The following KIAA2012 variants were observed in gnomAD, a reference collection of about 807,000 sequenced individuals.
The protein encoded by KIAA2012 is uncharacterized protein KIAA2012.
Under a neutral mutation model 150.6 loss-of-function variants are expected in KIAA2012, and 125 were observed. The ratio of observed to expected loss-of-function variants is 0.83; its 90% confidence interval spans 0.72 to 0.96. The LOEUF is 0.96. Ranked by LOEUF, KIAA2012 falls within the 40% of genes least tolerant of loss-of-function variation. The probability of loss-of-function intolerance (pLI) is 0.00; values close to 1 mark genes in which losing one functional copy is unlikely to be tolerated. For missense variants in KIAA2012, 1,219 were observed against 1,354.9 expected, an observed-to-expected ratio of 0.90 and a Z score of 1.57; for synonymous variants, 462 against 504.7, an observed-to-expected ratio of 0.92 and a Z score of 1.13.
intron 14 of KIAA2012, among the ~76,000 whole-genome samples, chr2:202,161,945 T>G (rs1171306528): frequency 2.0e-5 from 3 of 152,162 alleles, no homozygotes; most frequent in Non-Finnish European, 4.4e-5. Flanking sequence ...CAAGTATTAT[T>G]ACCTGTTTCC....
intron 13 of KIAA2012, among the ~76,000 whole-genome samples, chr2:202,140,414 G>A (rs1210111524): frequency 6.6e-6 from 1 of 152,142 alleles, no homozygotes; most frequent in Non-Finnish European, 1.5e-5. Flanking sequence ...AAATGATGGG[G>A]TGGCTCCCAC....
intron 11 of KIAA2012, chr2:202,114,280 G>A: frequency 6.2e-6 from 1 of 161,668 alleles, no homozygotes. Flanking sequence ...GACCATTGCT[G>A]CATTTTACAT....
intron 15 of KIAA2012, among the ~76,000 whole-genome samples, chr2:202,175,839 C>T (rs1344078263): frequency 6.6e-6 from 1 of 152,060 alleles, no homozygotes; most frequent in East Asian, 1.9e-4. Context: ...AATATAAAAA[C>T]TTATTTTAAA....
At chr2:202,168,303 C>T (rs1691813000) in intron 15 of KIAA2012, among the ~76,000 whole-genome samples, 1 of 151,086 alleles carries the variant, frequency 6.6e-6, no homozygotes, top group South Asian at 2.1e-4. Context: ...CCTGTAGTCC[C>T]AGCTACTCGG....
intron 22 of KIAA2012, chr2:202,201,754 G>A (rs956295222): frequency 2.9e-6 from 4 of 1,369,674 alleles, no homozygotes; most frequent in Non-Finnish European, 3.1e-6. Context: ...GGATGATAGA[G>A]CTCTGAGTAG....
At chr2:202,133,982 AT>A (rs535289269) in intron 12 of KIAA2012, among the ~76,000 whole-genome samples, 7,916 of 148,100 alleles carry the variant, frequency 0.053, 626 homozygotes, top group African/African-American at 0.18. Flanking sequence ...ACTGGGGAGA[AT>A]TTTTTTTTTT....
At chr2:202,175,484 C>T (rs955874708) in intron 15 of KIAA2012, among the ~76,000 whole-genome samples, 1 of 152,170 alleles carries the variant, frequency 6.6e-6, no homozygotes, top group Non-Finnish European at 1.5e-5. Flanking sequence ...GGTTGGGCCT[C>T]TGGGAGGTGA....
At chr2:202,172,973 A>G (rs1000082989) in intron 15 of KIAA2012, among the ~76,000 whole-genome samples, 12 of 152,360 alleles carry the variant, frequency 7.9e-5, no homozygotes, top group East Asian at 3.9e-4. Flanking sequence ...CTTAGCACCT[A>G]CATGACCTAA....
chr2:202,161,202 C>T (rs1223517749), intron 14 of KIAA2012, among the ~76,000 whole-genome samples: 2 of 152,100 alleles, frequency 1.3e-5, no homozygotes, highest in African/African-American at 4.8e-5. Context: ...ACTGCAGGAC[C>T]TGTACTTCAG....
rs200316023 is a variant in KIAA2012, at chr2:202,107,391, T to TAAA, written c.1474+1483_1474+1484insAAA. On this transcript the variant is annotated intron_variant, in intron 9 of 23. Transcript: ENST00000498697. ...TGGGAGTTAATTATCCTAAAGACTT[T>TAAA]AATGTTTCCTTTTTCAAAAAATCCA... 3.9e-5 allele frequency among the ~76,000 whole-genome samples: 6 copies of TAAA among 152,302 alleles called. No individual in the cohort carries two copies. In the East Asian group the frequency reaches 1.2e-3, roughly 29 times the overall value.
At chr2:202,082,653 C>A (rs1204064658) in intron 2 of KIAA2012, among the ~76,000 whole-genome samples, 1 of 150,066 alleles carries the variant, frequency 6.7e-6, no homozygotes, top group Non-Finnish European at 1.5e-5. Context: ...CTATTTTTTT[C>A]TTTTTTGCCT....
At chr2:202,074,570 A>G (rs992399589) in intron 1 of KIAA2012, among the ~76,000 whole-genome samples, 1 of 152,180 alleles carries the variant, frequency 6.6e-6, no homozygotes, top group African/African-American at 2.4e-5. Flanking sequence ...GCTGCCCTTA[A>G]TAATTCTGAC....
intron 15 of KIAA2012, among the ~76,000 whole-genome samples, chr2:202,173,966 CT>C (rs1004282007): frequency 6.6e-6 from 1 of 151,476 alleles, no homozygotes; most frequent in African/African-American, 2.4e-5. Context: ...GAGAAGCATT[CT>C]TTTTTTTTCT....
At chr2:202,180,164 G>A (rs1025123557) in intron 15 of KIAA2012, among the ~76,000 whole-genome samples, 1 of 151,726 alleles carries the variant, frequency 6.6e-6, no homozygotes, top group Non-Finnish European at 1.5e-5. Context: ...CCAGCTATTC[G>A]GGAGGCTGAG....
At chr2:202,162,123 C>G (rs532375231) in intron 14 of KIAA2012, among the ~76,000 whole-genome samples, 3 of 151,858 alleles carry the variant, frequency 2.0e-5, no homozygotes, top group Non-Finnish European at 4.4e-5. Flanking sequence ...CAGCTCCCTT[C>G]CCTTGAACAA....
intron 22 of KIAA2012, 58 bp downstream of exon 22, chr2:202,197,077 C>T: frequency 6.5e-7 from 1 of 1,548,848 alleles, no homozygotes; most frequent in Non-Finnish European, 8.7e-7. Flanking sequence ...CTTCACTGTC[C>T]AGTGCTAGTG....
At chr2:202,110,710 C>CAA (rs1690324451) in intron 10 of KIAA2012, among the ~76,000 whole-genome samples, 1 of 152,172 alleles carries the variant, frequency 6.6e-6, no homozygotes, top group South Asian at 2.1e-4. Context: ...ACAGATTTCA[C>CAA]ATCTTTCATT....
At position 202,171,963 on chromosome 2, in the gene KIAA2012, C is replaced by G. The variant is rs10205461; in HGVS notation, c.2119+6607C>G. On this transcript the variant is annotated intron_variant, in intron 15 of 23. Transcript: ENST00000498697. ...CCAGGTTCAAGCAAGTCAGCCGCCT[C>G]AACCTCTCGAGTAGCTGGGATTGCA... 6.9e-3 allele frequency among the ~76,000 whole-genome samples: 1,045 copies of G among 151,472 alleles called. 8 individuals are homozygous for G. The highest frequency in any genetic ancestry group is 0.023 in the African/African-American group (968 of 41,320).
chr2:202,203,194 G>C (rs1254445916), intron 23 of KIAA2012, among the ~76,000 whole-genome samples: 3 of 152,138 alleles, frequency 2.0e-5, no homozygotes, highest in Non-Finnish European at 4.4e-5. Context: ...TCTTAGGATA[G>C]TCAAAGTATT....
Sources: allele counts gnomAD v4.1 joint callset (sites outside exome capture counted in the v4.1 genomes callset), GRCh38; gene constraint gnomAD v4.1.1; transcripts MANE v1.5; gene names NCBI Gene and HGNC (gene_info 2026-07-23, HGNC 2026-07-21).